The following LCN2 variants were observed in gnomAD, a reference collection of about 807,000 sequenced individuals.
The protein encoded by LCN2 is lipocalin 2.
Under a neutral mutation model 26.4 loss-of-function variants are expected in LCN2, and 27 were observed. The observed-to-expected ratio is 1.02, with a 90% CI of 0.76 to 1.41. LCN2 has a LOEUF of 1.41. Ranked by LOEUF, LCN2 falls within the 40% of genes most tolerant of loss-of-function variation. The pLI, the probability that LCN2 is intolerant of heterozygous loss-of-function variation, is 0.00. For missense variants in LCN2, 224 were observed against 237.6 expected (o/e 0.94, Z 0.38); for synonymous variants, 94 against 98.9 (o/e 0.95, Z 0.30).
At chr9:128,150,762 C>A (rs1210203847) in intron 2 of LCN2, among the ~76,000 whole-genome samples, 1 of 152,208 alleles carries the variant, frequency 6.6e-6, no homozygotes, top group Non-Finnish European at 1.5e-5. Context: ...AGAGAGAGCC[C>A]CCCCTTCAGG....
chr9:128,150,536 C>A, intron 2 of LCN2, 162 bp downstream of exon 2: 1 of 865,830 alleles, frequency 1.2e-6, no homozygotes, highest in Non-Finnish European at 1.9e-6. Context: ...AGCACATTTC[C>A]ATGCAGACAC....
intron 5 of LCN2, among the ~76,000 whole-genome samples, chr9:128,152,691 T>C (rs1378768000): frequency 6.6e-6 from 1 of 152,118 alleles, no homozygotes; most frequent in Non-Finnish European, 1.5e-5. Flanking sequence ...CTCTCTCCCC[T>C]GGGGACTTGC....
chr9:128,149,871 C>A (rs1834988536), intron 1 of LCN2, among the ~76,000 whole-genome samples: 2 of 144,934 alleles, frequency 1.4e-5, no homozygotes, highest in Non-Finnish European at 3.0e-5. Flanking sequence ...TGAACAGACT[C>A]CCCCAGGTCC....
intron 4 of LCN2, 53 bp downstream of exon 4, chr9:128,152,078 A>C: frequency 6.2e-7 from 1 of 1,612,426 alleles, no homozygotes; most frequent in Non-Finnish European, 8.5e-7. Context: ...ACTTAGTGGG[A>C]GGGGAGGCCG....
In LCN2 at chr9:128,153,152, G is replaced by T; in HGVS notation, c.*7+26G>T. 2 of 1,613,816 alleles carry T rather than the reference G, an allele frequency of 1.2e-6. No individual in the cohort carries two copies. The highest frequency in any genetic ancestry group is 1.3e-5 in the African/African-American group (1 of 75,014). ...GTGAGTGTGGCTGGGCGGCTGCGAG[G>T]GGGCTTGTGGGAGGCCAGGGTGCAG... is the stretch of plus-strand genomic sequence containing the variant. On this transcript the variant is annotated intron_variant, in intron 6 of 6. Transcript: ENST00000277480. This position sits in a 1 kb window ranked among gnomAD's most constrained non-coding sequence, Gnocchi z 5.4.
intron 4 of LCN2, 30 bp downstream of exon 4, chr9:128,152,055 G>A (rs1444961539): frequency 2.5e-6 from 4 of 1,613,778 alleles, no homozygotes; most frequent in Admixed American, 3.3e-5. Flanking sequence ...CTCGGGGACT[G>A]GCTCCTGATC....
chr9:128,151,370 G>A (rs1835004558), intron 2 of LCN2: 1 of 578,320 alleles, frequency 1.7e-6, no homozygotes, highest in South Asian at 2.4e-5. Context: ...AAGGAAAGAA[G>A]GACATCGGGT....
At position 128,151,980 on chromosome 9, in the gene LCN2, A is replaced by T. The variant is rs1452361595; in HGVS notation, c.430A>T (p.Lys144Ter). 1.9e-6 allele frequency: 3 copies of T among 1,613,998 alleles called. No homozygotes were observed. Among genetic ancestry groups the T allele is most frequent in the Admixed American group, 1.7e-5 (1 of 60,008 alleles). The change falls in exon 4 of 7, where the codon AAG becomes TAG. Residue 144 changes from lysine to a stop codon, truncating the protein, a stop_gained. Transcript: ENST00000277480. LOFTEE classifies it high-confidence loss of function. The part of the protein sequence containing the change: ...NYNQHAMVFF[K>*]KVSQNREYFK... ...CAACCAGCATGCTATGGTGTTCTTC[A>T]AGAAAGTTTCTCAAAACAGGGAGTA... is the stretch of plus-strand genomic sequence containing the variant.
At chr9:128,150,122 C>G in intron 1 of LCN2, 116 bp from the exon 2 acceptor site, 1 of 1,377,832 alleles carries the variant, frequency 7.3e-7, no homozygotes, top group Non-Finnish European at 9.8e-7. Flanking sequence ...CCCTGCTGCC[C>G]AGCTAGAGGG....
rs775353373 is a variant in LCN2, at chr9:128,152,247, C to T, written c.540C>T (p.Gly180=). 1.9e-6 allele frequency: 3 copies of T among 1,614,084 alleles called. No homozygotes were observed. Among genetic ancestry groups the T allele is most frequent in the East Asian group, 4.5e-5 (2 of 44,890 alleles). ...ENFIRFSKSL[G]LPENHIVFPV... The stretch of plus-strand genomic sequence containing the variant: ...TCATCCGCTTCTCCAAATCTCTGGG[C>T]CTCCCTGAAAACCACATCGTCTTCC... Residue 180 remains glycine, a synonymous_variant, in exon 5 of 7, where the codon GGC becomes GGT. Transcript: ENST00000277480.
chr9:128,151,161 A>G (rs764968929), intron 2 of LCN2, among the ~76,000 whole-genome samples: 16 of 151,972 alleles, frequency 1.1e-4, no homozygotes, highest in Non-Finnish European at 2.1e-4. Context: ...GGGGATGGGA[A>G]GTGGGAGGAC....
intron 5 of LCN2, among the ~76,000 whole-genome samples, chr9:128,152,719 G>C (rs997610295): frequency 6.6e-6 from 1 of 152,164 alleles, no homozygotes; most frequent in African/African-American, 2.4e-5. Flanking sequence ...TGACTTGGGA[G>C]CTGTCCTTGA....
At position 128,152,115 on chromosome 9, in the gene LCN2, C is replaced by G. The variant is rs529081788; in HGVS notation, c.476-68C>G. 17 of 1,606,914 alleles carry G rather than the reference C, an allele frequency of 1.1e-5. No homozygotes were observed. In the African/African-American group the frequency reaches 2.1e-4, roughly 20 times the overall value. On this transcript the variant is annotated intron_variant, in intron 4 of 6. Transcript: ENST00000277480. The stretch of plus-strand genomic sequence containing the variant: ...TCCCCCATGAGGAAGGGATCTGAGG[C>G]CTCATCTACTCATTCAACGATATTT...
At chr9:128,151,332 G>T (rs187573731) in intron 2 of LCN2, 7 of 564,288 alleles carry the variant, frequency 1.2e-5, no homozygotes, top group Admixed American at 6.4e-5. Context: ...GTGGCGGGGG[G>T]GGTGAAAGCC....
At chr9:128,149,812 C>A in intron 1 of LCN2, 149 bp downstream of exon 1, 1 of 932,468 alleles carries the variant, frequency 1.1e-6, no homozygotes. Flanking sequence ...CACCAGGGTC[C>A]CCTGGTGGAA....
At position 128,153,453 on chromosome 9, in the gene LCN2, G is replaced by A; in HGVS notation, c.*150G>A. ...CTGCTAAATAAACATGTGCCCTCAG[G>A]CCTCTGAGTCTACACTGTTTGACCC... On this transcript the variant is annotated 3_prime_UTR_variant, in exon 7 of 7. Coordinates refer to ENST00000277480, the MANE Select transcript of LCN2 (RefSeq NM_005564.5). The surrounding 1 kb of genome is among the most constrained non-coding windows in gnomAD (Gnocchi z 5.4). 2.2e-6 allele frequency: 1 copy of A among 457,566 alleles called. No individual in the cohort carries two copies. Among genetic ancestry groups the A allele is most frequent in the Non-Finnish European group, 4.1e-6 (1 of 245,064 alleles). The allele number at this position is 457,566 out of a possible 1,614,324, so 28.3% of individuals were successfully genotyped here.
intron 2 of LCN2, chr9:128,151,359 A>T (rs73672429): frequency 0.079 from 44,748 of 567,258 alleles, 3,989 homozygotes; most frequent in East Asian, 0.39. Context: ...GGAGGCAGCC[A>T]AAGGAAAGAA....
chr9:128,151,518 C>T (rs947010937), intron 2 of LCN2, 120 bp from the exon 3 acceptor site: 23 of 772,528 alleles, frequency 3.0e-5, no homozygotes, highest in Admixed American at 6.0e-5. Flanking sequence ...TGAGCTGTCA[C>T]GGGTTGGGCC....
chr9:128,152,218 A>T lies in LCN2; in HGVS notation c.511A>T (p.Asn171Tyr), dbSNP rs539966413. 1.5e-5 allele frequency: 25 copies of T among 1,614,054 alleles called. No individual in the cohort carries two copies. In the African/African-American group the frequency reaches 2.7e-4, roughly 17 times the overall value. Residue 171 changes from asparagine to tyrosine, a missense_variant, in exon 5 of 7, where the codon AAC becomes TAC. Physicochemically the swap from Asn to Tyr is moderately radical, Grantham distance 143. Coordinates refer to ENST00000277480, the MANE Select transcript of LCN2 (RefSeq NM_005564.5). ...TKELTSELKENFIRFSKSLGL... is the reference protein window; with the variant it reads ...TKELTSELKEYFIRFSKSLGL... The stretch of plus-strand genomic sequence containing the variant: ...GGAGCTGACTTCGGAACTAAAGGAG[A>T]ACTTCATCCGCTTCTCCAAATCTCT...
Sources: gnomAD v4.1 joint callset for allele counts (sites outside exome capture counted in the v4.1 genomes callset) on GRCh38, gnomAD v4.1.1 for gene constraint, Gnocchi (gnomAD v3.1) non-coding constraint, MANE v1.5 for transcripts, NCBI Gene and HGNC (gene_info 2026-07-23, HGNC 2026-07-21) for gene names.